The following PRRT3 variants were observed in gnomAD, a reference collection of about 807,000 sequenced individuals.
The protein encoded by PRRT3 is proline-rich transmembrane protein 3.
In PRRT3, 48 loss-of-function variants were observed where a neutral mutation model predicts 56.6. The ratio of observed to expected loss-of-function variants is 0.85; its 90% CI spans 0.67 to 1.08. PRRT3 has a LOEUF of 1.08. Among genes scored for constraint, PRRT3 ranks in the 50% least tolerant of loss-of-function variants. The pLI, the probability that PRRT3 is intolerant of heterozygous loss-of-function variation, is 0.00. For missense variants in PRRT3, 1,370 were observed against 1,353.1 expected (o/e 1.01, Z -0.20); for synonymous variants, 641 against 619.1 (o/e 1.04, Z -0.52).
chr3:9,948,970 C>T, intron 2 of PRRT3, 57 bp from the exon 3 acceptor site: 2 of 1,523,652 alleles, frequency 1.3e-6, no homozygotes, highest in Non-Finnish European at 1.8e-6. Flanking sequence ...CTCCTAATCC[C>T]TCAGGATTGA....
In PRRT3 at chr3:9,947,109, T is replaced by C. The variant is rs754696940; in HGVS notation, c.2064A>G (p.Thr688=). 4 of 1,538,192 alleles carry C rather than the reference T, an allele frequency of 2.6e-6. No individual in the cohort carries two copies. Among genetic ancestry groups the C allele is most frequent in the Admixed American group, 2.0e-5 (1 of 51,262 alleles). ...CGGCCAACGCCAGGGCGAGCGCCCA[T>C]GTCAGCTCCAGGAGGCGCAGCCAGA... The part of the protein sequence containing the change: ...VHFWLRLLEL[T]WALALALAAV... Residue 688 remains threonine (T), a synonymous_variant, in exon 4 of 4, where the codon ACA becomes ACG. Transcript: ENST00000412055. This position sits in a 1 kb window ranked among gnomAD's most constrained non-coding sequence, Gnocchi z 9.2.
In PRRT3 at chr3:9,949,112, G is replaced by A. The variant is rs1227775598; in HGVS notation, c.1004C>T (p.Pro335Leu). ...DPPASEAPDR[P>L]SKPERAAMNG... ...TCATTGATACCCACCTGGCTTAGAC[G>A]GCCGATCAGGAGCCTCTGAGGCGGG... is the stretch of plus-strand genomic sequence containing the variant. The change falls in exon 2 of 4, where the codon CCG becomes CTG. Residue 335 changes from proline to leucine, a missense_variant. Coordinates refer to ENST00000412055, the MANE Select transcript of PRRT3 (RefSeq NM_207351.5). This position sits in a 1 kb window ranked among gnomAD's most constrained non-coding sequence, Gnocchi z 4.5. The A allele has an allele frequency of 5.0e-6, 8 of 1,603,798 alleles. No homozygotes were observed. Among genetic ancestry groups the A allele is most frequent in the South Asian group, 2.2e-5 (2 of 89,946 alleles).
chr3:9,948,189 T>C, intron 3 of PRRT3, 188 bp from the exon 4 acceptor site: 1 of 480,208 alleles, frequency 2.1e-6, no homozygotes, highest in Non-Finnish European at 3.3e-6. Flanking sequence ...CAGTAAGTGC[T>C]AAATGGATGT....
At chr3:9,952,143 TCTC>T (rs562516938) in intron 1 of PRRT3, among the ~76,000 whole-genome samples, 176 bp downstream of exon 1, 33 of 151,110 alleles carry the variant, frequency 2.2e-4, no homozygotes, top group South Asian at 8.4e-4. Context: ...TCGGGTTACC[TCTC>T]CTCCTCCTCC....
Position 9,949,097 on chromosome 3 carries a change from C to G in PRRT3, c.1015+4G>C. 1 of 1,591,910 alleles carries G rather than the reference C, an allele frequency of 6.3e-7. No individual in the cohort carries two copies. Among genetic ancestry groups the G allele is most frequent in the Non-Finnish European group, 8.5e-7 (1 of 1,172,554 alleles). On this transcript the variant is annotated splice_donor_region_variant and intron_variant, in intron 2 of 3. Transcript: ENST00000412055. This position sits in a 1 kb window ranked among gnomAD's most constrained non-coding sequence, Gnocchi z 4.5. ...CATCGCTCAGCACACTCATTGATAC[C>G]CACCTGGCTTAGACGGCCGATCAGG...
At position 9,947,672 on chromosome 3, in the gene PRRT3, G is replaced by A. The variant is rs987525549; in HGVS notation, c.1501C>T (p.Arg501Trp). Residue 501 changes from arginine (R) to tryptophan (W), a missense_variant, in exon 4 of 4, where the codon CGG becomes TGG. Physicochemically the swap from Arg to Trp is moderately radical, Grantham distance 101. Coordinates refer to ENST00000412055, the MANE Select transcript of PRRT3 (RefSeq NM_207351.5). This position sits in a 1 kb window ranked among gnomAD's most constrained non-coding sequence, Gnocchi z 9.2. Reference sequence around the variant, plus strand: ...AGCACCGCGGCCACCAATGCCAGCCGGGGCCCTGCTGGGGCGGCTGCCAGC... The same window carrying A: ...AGCACCGCGGCCACCAATGCCAGCCAGGGCCCTGCTGGGGCGGCTGCCAGC... ...AALAAAPAGP[R>W]LALVAAVLVL... is the part of the protein sequence containing the mutation. 1.3e-6 allele frequency: 2 copies of A among 1,568,512 alleles called. No homozygotes were observed. Among genetic ancestry groups the A allele is most frequent in the African/African-American group, 1.4e-5 (1 of 73,634 alleles).
intron 1 of PRRT3, among the ~76,000 whole-genome samples, chr3:9,950,548 G>T (rs3732970): frequency 0.03 from 4,606 of 152,292 alleles, 85 homozygotes; most frequent in East Asian, 0.065. Flanking sequence ...TGTCGCTCAG[G>T]CTGGAGTGCA....
chr3:9,946,093 C>A lies in PRRT3; in HGVS notation c.*134G>T. The A allele has an allele frequency of 7.3e-7, 1 of 1,376,448 alleles. No homozygotes were observed. Among genetic ancestry groups the A allele is most frequent in the Non-Finnish European group, 9.6e-7 (1 of 1,043,932 alleles). The allele number at this position is 1,376,448 out of a possible 1,614,324, so 85.3% of individuals were successfully genotyped here. A position where few individuals can be genotyped will look rare whatever the true frequency, so the allele number is the denominator to read the frequency against. On this transcript the variant is annotated 3_prime_UTR_variant, in exon 4 of 4. Transcript: ENST00000412055. The surrounding 1 kb of genome is among the most constrained non-coding windows in gnomAD (Gnocchi z 4.1). ...CCTCGTGTTCCACCCACCTCGGCCTCCCAAAGTGCTGGGATTCCTGGCGTG... is the reference window on the plus strand; with the variant it reads ...CCTCGTGTTCCACCCACCTCGGCCTACCAAAGTGCTGGGATTCCTGGCGTG...
rs768443106 is a variant in PRRT3, at chr3:9,947,898, C to T, written c.1275G>A (p.Gln425=). Residue 425 remains glutamine, a synonymous_variant, in exon 4 of 4, where the codon CAG becomes CAA. Coordinates refer to ENST00000412055, the MANE Select transcript of PRRT3 (RefSeq NM_207351.5). The surrounding 1 kb of genome is among the most constrained non-coding windows in gnomAD (Gnocchi z 9.2). ...SRRGLIRVTT[Q]RALGQPPPPE... ...GAGGGGGAGGCTGGCCCAGGGCTCG[C>T]TGCGTGGTGACTCGAATGAGGCCCC... The T allele has an allele frequency of 1.4e-6, 2 of 1,425,486 alleles. No homozygotes were observed. The highest frequency in any genetic ancestry group is 5.4e-5 in the East Asian group (2 of 36,734). The allele number at this position is 1,425,486 out of a possible 1,614,324, so 88.3% of individuals were successfully genotyped here.
In PRRT3 at chr3:9,947,569, C is replaced by A. The variant is rs1305475270; in HGVS notation, c.1604G>T (p.Arg535Leu). 6.2e-7 allele frequency: 1 copy of A among 1,603,646 alleles called. No homozygotes were observed. Among genetic ancestry groups the A allele is most frequent in the Non-Finnish European group, 8.5e-7 (1 of 1,175,958 alleles). ...CAGGTTGTAGAGCACCAGGCCCCCG[C>A]GAACGCCCAGCCGCGCCTGCGAGCC... ...PYGSQARLGV[R>L]GGLVLYNLPF... The change falls in exon 4 of 4, where the codon CGC becomes CTC. Residue 535 changes from arginine to leucine, a missense_variant. Coordinates refer to ENST00000412055, the MANE Select transcript of PRRT3 (RefSeq NM_207351.5). The surrounding 1 kb of genome is among the most constrained non-coding windows in gnomAD (Gnocchi z 9.2).
At position 9,946,836 on chromosome 3, in the gene PRRT3, A is replaced by T. The variant is rs1162392246; in HGVS notation, c.2337T>A (p.Gly779=). ...GTCCCGGGCCACCCTGGGGTCCGCGACCCAACGACGCAGCCGAGCCCCAGG... is the reference window on the plus strand; with the variant it reads ...GTCCCGGGCCACCCTGGGGTCCGCGTCCCAACGACGCAGCCGAGCCCCAGG... ...SGAWGSAASL[G]RGPQGGPGLS... Residue 779 remains glycine, a synonymous_variant, in exon 4 of 4, where the codon GGT becomes GGA. Coordinates refer to ENST00000412055, the MANE Select transcript of PRRT3 (RefSeq NM_207351.5). This position sits in a 1 kb window ranked among gnomAD's most constrained non-coding sequence, Gnocchi z 4.1. 1.3e-6 allele frequency: 2 copies of T among 1,540,416 alleles called. No homozygotes were observed. The highest frequency in any genetic ancestry group is 2.4e-5 in the South Asian group (2 of 84,308).
chr3:9,949,192 C>T lies in PRRT3; in HGVS notation c.924G>A (p.Lys308=), dbSNP rs761329363. 2.5e-6 allele frequency: 4 copies of T among 1,611,448 alleles called. No individual in the cohort carries two copies. Among genetic ancestry groups the T allele is most frequent in the Non-Finnish European group, 3.4e-6 (4 of 1,179,006 alleles). The part of the protein sequence containing the change: ...WEVSSPGPPP[K]QADLPDAKDS... ...CCTTAGCGTCAGGAAGGTCAGCCTG[C>T]TTGGGCGGGGGACCTGGGGAGCTGA... The change falls in exon 2 of 4, where the codon AAG becomes AAA. Residue 308 remains lysine (K), a synonymous_variant. Transcript: ENST00000412055. The surrounding 1 kb of genome is among the most constrained non-coding windows in gnomAD (Gnocchi z 4.5).
At chr3:9,952,258 G>A (rs907234739) in intron 1 of PRRT3, 64 bp downstream of exon 1, 1 of 152,452 alleles carries the variant, frequency 6.6e-6, no homozygotes, top group Non-Finnish European at 1.5e-5. Flanking sequence ...CCCGCGACGG[G>A]GGCAGCAGGC....
Position 9,947,421 on chromosome 3 carries a change from C to A in PRRT3, c.1752G>T (p.Gly584=). The A allele has an allele frequency of 6.2e-7, 1 of 1,612,554 alleles. No individual in the cohort carries two copies. The highest frequency in any genetic ancestry group is 8.5e-7 in the Non-Finnish European group (1 of 1,179,662). The part of the protein sequence containing the change: ...LGAVALVHGV[G]LLATDLLSTW... ...TGGACAGCAGGTCTGTCGCGAGCAA[C>A]CCTACACCATGCACCAGCGCCACTG... The change falls in exon 4 of 4, where the codon GGG becomes GGT. Residue 584 remains glycine (G), a synonymous_variant. Transcript: ENST00000412055. This position sits in a 1 kb window ranked among gnomAD's most constrained non-coding sequence, Gnocchi z 9.2.
Position 9,948,463 on chromosome 3 carries a change from A to T in PRRT3, c.1171+295T>A, listed in dbSNP as rs147345007. ...CACCTCAGCCTCCGGAATAGCTGGG[A>T]CTACAGGTATGCACCACCACGCCCA... On this transcript the variant is annotated intron_variant, in intron 3 of 3. Transcript: ENST00000412055. 1,621 of 473,180 alleles carry T rather than the reference A, an allele frequency of 3.4e-3. 5 individuals carry two copies. Among genetic ancestry groups the T allele is most frequent in the Non-Finnish European group, 4.8e-3 (1,303 of 272,382 alleles). The allele number at this position is 473,180 out of a possible 1,614,324, so 29.3% of individuals were successfully genotyped here.
chr3:9,951,323 C>G (rs970108000), intron 1 of PRRT3, among the ~76,000 whole-genome samples: 3 of 152,152 alleles, frequency 2.0e-5, no homozygotes, highest in Admixed American at 1.3e-4. Context: ...CTGCTCTTTT[C>G]CTCTCTGGGG....
Position 9,946,254 on chromosome 3 carries a change from G to A in PRRT3, c.2919C>T (p.Ser973=). 2 of 1,612,672 alleles carry A rather than the reference G, an allele frequency of 1.2e-6. No homozygotes were observed. Among genetic ancestry groups the A allele is most frequent in the Non-Finnish European group, 1.7e-6 (2 of 1,179,798 alleles). Residue 973 remains serine, a synonymous_variant, in exon 4 of 4, where the codon AGC becomes AGT. Coordinates refer to ENST00000412055, the MANE Select transcript of PRRT3 (RefSeq NM_207351.5). The surrounding 1 kb of genome is among the most constrained non-coding windows in gnomAD (Gnocchi z 4.1). ...AAAGCTCGATGGTATCACTGGAGGC[G>A]CTGCGGGATTCCCCAGGCTTGCCGC... ...QPRGKPGESR[S]ASSDTIEL
Position 9,949,390 on chromosome 3 carries a change from G to C in PRRT3, c.726C>G (p.Phe242Leu), listed in dbSNP as rs2085583993. ...CAGGGGCTGCTGGATCCTGCTGGGT[G>C]AAGTGGGGACCTTGAGCTGCCTCCT... is the stretch of plus-strand genomic sequence containing the variant. ...HLQEAAQGPH[F>L]TQQDPAAPDV... Residue 242 changes from phenylalanine to leucine, a missense_variant, in exon 2 of 4, where the codon TTC becomes TTG. Coordinates refer to ENST00000412055, the MANE Select transcript of PRRT3 (RefSeq NM_207351.5). The surrounding 1 kb of genome is among the most constrained non-coding windows in gnomAD (Gnocchi z 4.5). The C allele has an allele frequency of 6.2e-7, 1 of 1,614,192 alleles. No individual in the cohort carries two copies. Among genetic ancestry groups the C allele is most frequent in the Non-Finnish European group, 8.5e-7 (1 of 1,180,024 alleles).
At position 9,949,904 on chromosome 3, in the gene PRRT3, CTG is replaced by C; in HGVS notation, c.210_211del (p.His70GlnfsTer4). The C allele has an allele frequency of 6.2e-7, 1 of 1,612,828 alleles. No homozygotes were observed. Among genetic ancestry groups the C allele is most frequent in the Non-Finnish European group, 8.5e-7 (1 of 1,179,260 alleles). On this transcript the variant is annotated frameshift_variant, in exon 2 of 4. Transcript: ENST00000412055. LOFTEE classifies it high-confidence loss of function. This position sits in a 1 kb window ranked among gnomAD's most constrained non-coding sequence, Gnocchi z 4.5. ...AGGGGCGTGGCGGACATCAGAGTTC[CTG>C]TGACTGTCAGCTCTGGGGTTCTCCG...
Sources: allele counts gnomAD v4.1 joint callset (sites outside exome capture counted in the v4.1 genomes callset), GRCh38; gene constraint gnomAD v4.1.1; non-coding constraint Gnocchi (gnomAD v3.1); transcripts MANE v1.5; gene names NCBI Gene and HGNC (gene_info 2026-07-23, HGNC 2026-07-21).